The following MST1 variants were observed in gnomAD, a reference collection of about 807,000 sequenced individuals.
The protein encoded by MST1 is hepatocyte growth factor-like protein.
A neutral mutation model predicts 100.1 loss-of-function variants in MST1; 76 were observed. That is an observed-to-expected ratio of 0.76 (90% CI 0.63 to 0.92). The LOEUF (loss-of-function observed/expected upper bound fraction) is 0.92. MST1 is among the 40% of genes least tolerant of loss of function. The pLI is 0.00. For synonymous variants in MST1, 352 were observed against 385.4 expected, an observed-to-expected ratio of 0.91 and a Z score of 1.01; for missense variants, 850 against 990.0, an observed-to-expected ratio of 0.86 and a Z score of 1.90.
Position 49,685,331 on chromosome 3 carries a change from C to T in MST1, c.1475G>A (p.Arg492Gln), listed in dbSNP as rs750737005. Residue 492 changes from arginine to glutamine, a missense_variant, in exon 13 of 18, where the codon CGG (arginine) becomes CAG (glutamine). Physicochemically the swap from Arg to Gln is conservative, Grantham distance 43. Coordinates refer to ENST00000449682, the MANE Select transcript of MST1 (RefSeq NM_020998.4). ...CGKRVDRLDQ[R>Q]RSKLRVVGGH... ...CCCAACCACGCGCAGCTTGGAACGC[C>T]GCTGATCCAGCCGATCCACCCTCTT... 21 of 1,613,390 alleles carry T rather than the reference C, an allele frequency of 1.3e-5. No individual in the cohort carries two copies. In the Middle Eastern group the frequency reaches 8.3e-4, roughly 63 times the overall value.
rs142344838 is a variant in MST1 at position 49,685,326 on chromosome 3, A to G, written c.1480T>C (p.Ser494Pro). The change falls in exon 13 of 18, where the codon TCC becomes CCC. Residue 494 changes from serine to proline, a missense_variant. Physicochemically the swap from Ser to Pro is moderately conservative, Grantham distance 74. Coordinates refer to ENST00000449682, the MANE Select transcript of MST1 (RefSeq NM_020998.4). ...KRVDRLDQRRSKLRVVGGHPG... is the reference protein window; with the variant it reads ...KRVDRLDQRRPKLRVVGGHPG... ...TGGCCCCCAACCACGCGCAGCTTGG[A>G]ACGCCGCTGATCCAGCCGATCCACC... is the stretch of plus-strand genomic sequence containing the variant. The G allele has an allele frequency of 2.0e-5, 33 of 1,613,266 alleles. No individual in the cohort carries two copies. In the African/African-American group the frequency reaches 3.5e-4, roughly 17 times the overall value.
In MST1 at chr3:49,686,157, C is replaced by T. The variant is rs1290039738; in HGVS notation, c.1052G>A (p.Gly351Asp). The change falls in exon 9 of 18, where the codon GGC (glycine) becomes GAC (aspartate). Residue 351 changes from glycine (G) to aspartate (D), a missense_variant. This residue lies in a region of MST1 where 816 missense variants were observed against 924.6 expected (regional missense o/e 0.88). Transcript: ENST00000449682. ...LRENFCRNPD[G>D]SEAPWCFTLR... ...TGTGAAGCACCAGGGCGCCTCTGAG[C>T]CGTCGGGGTTCCGGCAGAAGTTCTC... 1 of 1,611,514 alleles carries T rather than the reference C, an allele frequency of 6.2e-7. No individual in the cohort carries two copies. Among genetic ancestry groups the T allele is most frequent in the Admixed American group, 1.7e-5 (1 of 59,964 alleles).
intron 10 of MST1, 24 bp from the exon 11 acceptor site, chr3:49,685,756 C>T (rs762086511): frequency 6.2e-7 from 1 of 1,613,024 alleles, no homozygotes; most frequent in South Asian, 1.1e-5. Context: ...GGAGCAAAAT[C>T]GTGGCAGGGT....
At chr3:49,687,530 C>T (rs371213756) in intron 3 of MST1, 26 bp downstream of exon 3, 197 of 1,613,328 alleles carry the variant, frequency 1.2e-4, no homozygotes, top group Non-Finnish European at 1.6e-4. Context: ...CTGTCTCCCA[C>T]CCTGCCCCTC....
Position 49,685,292 on chromosome 3 carries a change from T to G in MST1, c.1514A>C (p.Asn505Thr), listed in dbSNP as rs1167343534. ...CCGCAAGCTGACTGTCCAGGGTGAG[T>G]TGCCCGGATGGCCCCCAACCACGCG... ...KLRVVGGHPG[N>T]SPWTVSLRNR... The change falls in exon 13 of 18, where the codon AAC becomes ACC. Residue 505 changes from asparagine to threonine, a missense_variant. By Grantham distance (65) the Asn-to-Thr change is moderately conservative. This residue lies in a region of MST1 where 816 missense variants were observed against 924.6 expected (regional missense o/e 0.88). Transcript: ENST00000449682. 8.1e-6 allele frequency: 13 copies of G among 1,613,302 alleles called. No homozygotes were observed. Among genetic ancestry groups the G allele is most frequent in the Non-Finnish European group, 1.0e-5 (12 of 1,179,826 alleles).
rs1252305640 is a variant in MST1 at position 49,687,521 on chromosome 3, T to C, written c.355+35A>G. 1.9e-6 allele frequency: 3 copies of C among 1,613,294 alleles called. No homozygotes were observed. In the African/African-American group the frequency reaches 4.0e-5, roughly 22 times the overall value. ...AAGATCAACTTGGGCTGAGGTCCCC[T>C]GTCTCCCACCCTGCCCCTCTCCACC... On this transcript the variant is annotated intron_variant, in intron 3 of 17. Coordinates refer to ENST00000449682, the MANE Select transcript of MST1 (RefSeq NM_020998.4).
Position 49,684,168 on chromosome 3 carries a change from C to G in MST1, c.2038G>C (p.Ala680Pro), listed in dbSNP as rs1280874037. Residue 680 changes from alanine to proline, a missense_variant, in exon 18 of 18, where the codon GCC becomes CCC. Around this residue, in one of 2 missense-constraint regions of MST1, gnomAD observed 816 missense variants for 924.6 expected, o/e 0.88. Coordinates refer to ENST00000449682, the MANE Select transcript of MST1 (RefSeq NM_020998.4). ...ACCCAGCAGTTGTGGGTAAAGCAGGCAAGTGGGCCCCCGTAGTCACCCTGG... is the reference window on the plus strand; with the variant it reads ...ACCCAGCAGTTGTGGGTAAAGCAGGGAAGTGGGCCCCCGTAGTCACCCTGG... The part of the protein sequence containing the change: ...ACEGDYGGPL[A>P]CFTHNCWVLE... 19 of 1,612,760 alleles carry G rather than the reference C, an allele frequency of 1.2e-5. No homozygotes were observed. Among genetic ancestry groups the G allele is most frequent in the Non-Finnish European group, 1.6e-5 (19 of 1,179,630 alleles).
rs2108139471 is a variant in MST1, at chr3:49,684,829, G to A, written c.1678C>T (p.Gln560Ter). The A allele has an allele frequency of 6.2e-7, 1 of 1,613,512 alleles. No homozygotes were observed. The change falls in exon 15 of 18, where the codon CAG becomes TAG. Residue 560 changes from glutamine to a stop codon, truncating the protein, a stop_gained. Coordinates refer to ENST00000449682, the MANE Select transcript of MST1 (RefSeq NM_020998.4). LOFTEE classifies it high-confidence loss of function. The stretch of plus-strand genomic sequence containing the variant: ...CGCTGTAGGCTTGGCTCTCCATGCT[G>A]TGGGTTCTGGAACAGGGTGCCCAAC... ...VWLGTLFQNP[Q>*]HGEPSLQRVP...
chr3:49,686,883 T>G, intron 6 of MST1, 64 bp downstream of exon 6: 1 of 1,611,944 alleles, frequency 6.2e-7, no homozygotes, highest in Non-Finnish European at 8.5e-7. Context: ...CACGGAGCCC[T>G]GCCCCTGGAG....
chr3:49,687,134 C>G lies in MST1; in HGVS notation c.607+15G>C. 2 of 1,613,008 alleles carry G rather than the reference C, an allele frequency of 1.2e-6. No individual in the cohort carries two copies. Among genetic ancestry groups the G allele is most frequent in the Non-Finnish European group, 1.7e-6 (2 of 1,179,864 alleles). ...TTGTCCCTCCACTCTCCCAGCTTGA[C>G]CCGGCGCCGCTTACCCTCCCGGCAG... On this transcript the variant is annotated intron_variant, in intron 5 of 17. Coordinates refer to ENST00000449682, the MANE Select transcript of MST1 (RefSeq NM_020998.4).
Position 49,685,693 on chromosome 3 carries a change from C to A in MST1, c.1290G>T (p.Glu430Asp). The change falls in exon 11 of 18, where the codon GAG (glutamate) becomes GAT (aspartate). Residue 430 changes from glutamate to aspartate, a missense_variant. Physicochemically the swap from Glu to Asp is conservative, Grantham distance 45 (BLOSUM62 2). Coordinates refer to ENST00000449682, the MANE Select transcript of MST1 (RefSeq NM_020998.4). ...CCCCATCTGGGTTCCGGCAGAAGTT[C>A]TCCTCCAGTTGTGCATGCGGTTCGG... ...FTSEPHAQLEENFCRNPDGDS... is the reference protein window; with the variant it reads ...FTSEPHAQLEDNFCRNPDGDS... 6.2e-7 allele frequency: 1 copy of A among 1,613,064 alleles called. No homozygotes were observed. The highest frequency in any genetic ancestry group is 8.5e-7 in the Non-Finnish European group (1 of 1,179,604).
chr3:49,686,251 A>G (rs760858535), intron 8 of MST1, 59 bp from the exon 9 acceptor site: 1 of 1,569,290 alleles, frequency 6.4e-7, no homozygotes, highest in Non-Finnish European at 8.6e-7. Context: ...GCCCGTGACT[A>G]CCTTCCTCCC....
rs1475993325 is a variant in MST1 at position 49,687,561 on chromosome 3, T to C, written c.350A>G (p.Lys117Arg). 6.2e-7 allele frequency: 1 copy of C among 1,613,390 alleles called. No individual in the cohort carries two copies. The highest frequency in any genetic ancestry group is 8.5e-7 in the Non-Finnish European group (1 of 1,179,874). Reference protein sequence around the residue: ...RRSGRCDLFQKKDYVRTCIMN... With the variant: ...RRSGRCDLFQRKDYVRTCIMN... ...CCCTCTCCACCCCCACTTGCCTTTC[T>C]TCTGGAAGAGGTCACAGCGCCCAGA... The change falls in exon 3 of 18, where the codon AAG becomes AGG. Residue 117 changes from lysine to arginine, a missense_variant. By Grantham distance (26) the Lys-to-Arg change is conservative. Around this residue, in one of 2 missense-constraint regions of MST1, gnomAD observed 816 missense variants for 924.6 expected, o/e 0.88. Coordinates refer to ENST00000449682, the MANE Select transcript of MST1 (RefSeq NM_020998.4).
chr3:49,684,707 C>T lies in MST1; in HGVS notation c.1769+31G>A, dbSNP rs748698323. 4 of 1,613,088 alleles carry T rather than the reference C, an allele frequency of 2.5e-6. No individual in the cohort carries two copies. In the South Asian group the frequency reaches 4.4e-5, roughly 18 times the overall value. On this transcript the variant is annotated intron_variant, in intron 15 of 17. Coordinates refer to ENST00000449682, the MANE Select transcript of MST1 (RefSeq NM_020998.4). ...GGTCTGAGGCCACAAGGCCCAGCCC[C>T]ACCTCACACCCTCCCAGGTTGTCCA... is the stretch of plus-strand genomic sequence containing the variant.
In MST1 at chr3:49,684,624, A is replaced by G. The variant is rs1192969646; in HGVS notation, c.1802T>C (p.Ile601Thr). 1.2e-6 allele frequency: 2 copies of G among 1,613,794 alleles called. No homozygotes were observed. The highest frequency in any genetic ancestry group is 2.7e-5 in the African/African-American group (2 of 75,058). ...CACATACCATTCAGGGGGCAGGCAG[A>G]TCAGGGCCACACGCTGGTTCAGGGT... is the stretch of plus-strand genomic sequence containing the variant. ...SVTLNQRVAL[I>T]CLPPEWYVVP... The change falls in exon 16 of 18, where the codon ATC (isoleucine) becomes ACC (threonine). Residue 601 changes from isoleucine to threonine, a missense_variant. This residue lies in a region of MST1 where 816 missense variants were observed against 924.6 expected (regional missense o/e 0.88). Coordinates refer to ENST00000449682, the MANE Select transcript of MST1 (RefSeq NM_020998.4).
chr3:49,685,764 G>T, intron 10 of MST1, 32 bp from the exon 11 acceptor site: 1 of 1,612,960 alleles, frequency 6.2e-7, no homozygotes, highest in Non-Finnish European at 8.5e-7. Flanking sequence ...ATCGTGGCAG[G>T]GTAGTCTCAA....
intron 7 of MST1, 95 bp from the exon 8 acceptor site, chr3:49,686,576 A>C (rs1011332235): frequency 7.1e-5 from 111 of 1,560,388 alleles, no homozygotes; most frequent in Middle Eastern, 4.5e-4. Context: ...ACGGTACTCC[A>C]CGGGGTATGC....
Position 49,686,131 on chromosome 3 carries a change from G to C in MST1, c.1078C>G (p.Leu360Val). Residue 360 changes from leucine to valine, a missense_variant, in exon 9 of 18, where the codon CTG (leucine) becomes GTG (valine). By Grantham distance (32) the Leu-to-Val change is conservative. Coordinates refer to ENST00000449682, the MANE Select transcript of MST1 (RefSeq NM_020998.4). ...DGSEAPWCFT[L>V]RPGMRAAFCY... ...AAGGCCGCGCGCATGCCGGGCCGCA[G>C]TGTGAAGCACCAGGGCGCCTCTGAG... The C allele has an allele frequency of 6.2e-7, 1 of 1,611,350 alleles. No individual in the cohort carries two copies. Among genetic ancestry groups the C allele is most frequent in the Non-Finnish European group, 8.5e-7 (1 of 1,179,574 alleles).
chr3:49,688,745 G>A lies in MST1; in HGVS notation c.-54C>T, dbSNP rs147997200. ...GGATTGGGTGGCTCTGGCTCCACAC[G>A]TCAGCTCAGGGCCTGCTGGACCCTG... On this transcript the variant is annotated 5_prime_UTR_variant, in exon 1 of 18. It adds an upstream start codon to the 5' untranslated region. Coordinates refer to ENST00000449682, the MANE Select transcript of MST1 (RefSeq NM_020998.4). The A allele has an allele frequency of 0.081, 115,571 of 1,430,016 alleles. 3,979 individuals carry two copies. The highest frequency in any genetic ancestry group is 0.095 in the South Asian group (7,484 of 78,618). The allele number at this position is 1,430,016 out of a possible 1,614,324, so 88.6% of individuals were successfully genotyped here. A position where few individuals can be genotyped will look rare whatever the true frequency, so the allele number is the denominator to read the frequency against.
Sources: gnomAD v4.1 joint callset for allele counts on GRCh38, gnomAD v4.1.1 for gene constraint, gnomAD v4.1.1 regional missense constraint, MANE v1.5 for transcripts, NCBI Gene and HGNC (gene_info 2026-07-23, HGNC 2026-07-21) for gene names.